Variants in ZNF589 observed in about 807,000 individuals in gnomAD.
ZNF589 encodes zinc finger protein 589.
In ZNF589, 17 loss-of-function variants were observed where a neutral mutation model predicts 13.6. The ratio of observed to expected loss-of-function variants is 1.25; its 90% CI spans 0.86 to 1.88. The LOEUF (loss-of-function observed/expected upper bound fraction) is 1.88. ZNF589 is among the 40% of genes most tolerant of loss of function. ZNF589 has a pLI of 0.00. For synonymous variants in ZNF589, 148 were observed against 161.6 expected (o/e 0.92, Z 0.64); for missense variants, 407 against 434.0 (o/e 0.94, Z 0.55).
chr3:48,243,718 GGAGGTGGAGGTTGCAGT>G (rs1423501221), intron 1 of ZNF589, among the ~76,000 whole-genome samples: 5 of 151,862 alleles, frequency 3.3e-5, no homozygotes, highest in Non-Finnish European at 5.9e-5. Context: ...GGCTGAGGCA[GGAGGTGGAGGTTGCAGT>G]GAGCTTAGAT....
intron 3 of ZNF589, 74 bp from the exon 4 acceptor site, chr3:48,267,841 C>T: frequency 7.0e-7 from 1 of 1,433,576 alleles, no homozygotes; most frequent in Non-Finnish European, 9.3e-7. Flanking sequence ...ATTAATGGGC[C>T]AGGTCTTATC....
At chr3:48,252,617 CTTTTTTTTT>C (rs71625863) in intron 2 of ZNF589, among the ~76,000 whole-genome samples, 2 of 97,304 alleles carry the variant, frequency 2.1e-5, no homozygotes, top group African/African-American at 3.7e-5. Flanking sequence ...AGAATAATAT[CTTTTTTTTT>C]TTTTTTTTTT....
intron 1 of ZNF589, among the ~76,000 whole-genome samples, chr3:48,246,149 A>G (rs1424507439): frequency 1.3e-5 from 2 of 152,084 alleles, no homozygotes; most frequent in Non-Finnish European, 2.9e-5. Context: ...CCCCATCTCT[A>G]CAAAAAATAC....
intron 1 of ZNF589, among the ~76,000 whole-genome samples, chr3:48,244,585 C>G (rs140915874): frequency 1.3e-5 from 2 of 152,190 alleles, no homozygotes; most frequent in African/African-American, 4.8e-5. Flanking sequence ...TATGAAATCA[C>G]TTGACACATT....
intron 2 of ZNF589, among the ~76,000 whole-genome samples, chr3:48,248,338 G>A (rs2033795140): frequency 1.3e-5 from 2 of 152,190 alleles, no homozygotes; most frequent in Admixed American, 6.5e-5. Context: ...CACGTGGATG[G>A]CCAAATGGTA....
chr3:48,255,527 C>T (rs2106839742), intron 2 of ZNF589, among the ~76,000 whole-genome samples: 1 of 128,408 alleles, frequency 7.8e-6, no homozygotes. Context: ...CAAAGTCTCG[C>T]TCTTTCTCCA....
intron 3 of ZNF589, among the ~76,000 whole-genome samples, chr3:48,264,531 TA>T (rs1019006675): frequency 7.2e-6 from 1 of 139,150 alleles, no homozygotes. Context: ...AGACTATGTC[TA>T]AAAAAAAATA....
chr3:48,260,678 G>C (rs1041170053), intron 2 of ZNF589, 135 bp from the exon 3 acceptor site: 2 of 1,237,302 alleles, frequency 1.6e-6, no homozygotes, highest in Non-Finnish European at 2.3e-6. Context: ...CAAAGTGCTA[G>C]GATTGCAGGT....
At chr3:48,256,395 C>A in intron 2 of ZNF589, 1 of 565,710 alleles carries the variant, frequency 1.8e-6, no homozygotes, top group Admixed American at 2.0e-5. Context: ...CATTGTCCCT[C>A]AGGAGGGTTG....
intron 2 of ZNF589, chr3:48,256,469 C>T (rs1575293767): frequency 1.0e-5 from 6 of 577,584 alleles, no homozygotes; most frequent in East Asian, 3.7e-5. Context: ...CATGAGGGTG[C>T]GGGGACCCCA....
Position 48,267,919 on chromosome 3 carries a change from A to G in ZNF589, c.228A>G (p.Glu76=), listed in dbSNP as rs371798152. ...ENLRNLVSLA[E]SKPEVHTCPS... ...CTGGAAACTTTCTTTCTTCAGCAGA[A>G]TCAAAGCCAGAAGTCCATACCTGCC... The change falls in exon 4 of 4, where the codon GAA becomes GAG. Residue 76 remains glutamate (E), a synonymous_variant. Coordinates refer to ENST00000354698, the MANE Select transcript of ZNF589 (RefSeq NM_016089.3). The G allele has an allele frequency of 1.2e-6, 2 of 1,604,858 alleles. No individual in the cohort carries two copies. The highest frequency in any genetic ancestry group is 1.7e-6 in the Non-Finnish European group (2 of 1,177,800).
chr3:48,256,419 G>T, intron 2 of ZNF589: 6 of 559,344 alleles, frequency 1.1e-5, no homozygotes, highest in South Asian at 6.1e-5. Flanking sequence ...CCAAGGCCAT[G>T]AACGCCCTGT....
At chr3:48,251,771 A>C (rs1284798289) in intron 2 of ZNF589, among the ~76,000 whole-genome samples, 1 of 151,948 alleles carries the variant, frequency 6.6e-6, no homozygotes. Flanking sequence ...GGCCAGGCAC[A>C]GTGGCTCATA....
chr3:48,247,204 C>T (rs149952176), intron 1 of ZNF589, among the ~76,000 whole-genome samples: 26 of 147,930 alleles, frequency 1.8e-4, no homozygotes, highest in African/African-American at 6.0e-4. Context: ...AAACTCCTGA[C>T]CTCAAGTCAT....
At chr3:48,262,263 C>T (rs1240347679) in intron 3 of ZNF589, among the ~76,000 whole-genome samples, 1 of 152,134 alleles carries the variant, frequency 6.6e-6, no homozygotes, top group Non-Finnish European at 1.5e-5. Context: ...GATCTTGGCT[C>T]ACTGCAACCT....
chr3:48,244,222 G>A (rs2033735431), intron 1 of ZNF589, among the ~76,000 whole-genome samples: 1 of 152,006 alleles, frequency 6.6e-6, no homozygotes, highest in Admixed American at 6.6e-5. Context: ...GGTCTTTTTT[G>A]CTGAAAAGAC....
rs569009812 is a variant in ZNF589, at chr3:48,270,458, C to T, written c.*1672C>T. On this transcript the variant is annotated 3_prime_UTR_variant, in exon 4 of 4. Coordinates refer to ENST00000354698, the MANE Select transcript of ZNF589 (RefSeq NM_016089.3). ...CAGTACCCAGTGTTTTAGCCATGCT[C>T]GGGTGGCTAAATTACATCCAGGAAT... The T allele has an allele frequency of 3.7e-5, 13 of 356,060 alleles. No individual in the cohort carries two copies. The highest frequency in any genetic ancestry group is 1.5e-4 in the South Asian group (7 of 46,238). The allele number at this position is 356,060 out of a possible 1,614,324, so 22.1% of individuals were successfully genotyped here.
chr3:48,253,645 G>A (rs573354432), intron 2 of ZNF589, among the ~76,000 whole-genome samples: 2 of 151,974 alleles, frequency 1.3e-5, no homozygotes, highest in South Asian at 4.2e-4. Flanking sequence ...GACTACAGGC[G>A]GCTGCCACCA....
chr3:48,262,854 A>G (rs1367042624), intron 3 of ZNF589, among the ~76,000 whole-genome samples: 1 of 152,182 alleles, frequency 6.6e-6, no homozygotes, highest in East Asian at 1.9e-4. Flanking sequence ...GTTCACCAAT[A>G]TGAAAAAAAA....
Sources: gnomAD v4.1 joint callset for allele counts (sites outside exome capture counted in the v4.1 genomes callset) on GRCh38, gnomAD v4.1.1 for gene constraint, MANE v1.5 for transcripts, NCBI Gene and HGNC (gene_info 2026-07-23, HGNC 2026-07-21) for gene names.